The following ANK3 variants were observed in gnomAD, a reference collection of about 807,000 sequenced individuals.
ANK3 encodes ankyrin-3.
In ANK3, 57 loss-of-function variants were observed where a neutral mutation model predicts 370.9. That is an observed-to-expected ratio of 0.15 (90% CI 0.12 to 0.19). The LOEUF (loss-of-function observed/expected upper bound fraction) is 0.19. Among genes scored for constraint, ANK3 ranks in the 10% least tolerant of loss-of-function variants. The pLI, the probability that ANK3 is intolerant of heterozygous loss-of-function variation, is 1.00. For missense variants in ANK3, 4,439 were observed against 5,302.1 expected (o/e 0.84, Z 5.06); for synonymous variants, 1,929 against 1,946.3 (o/e 0.99, Z 0.23).
Position 60,076,032 on chromosome 10 carries a change from T to C in ANK3, c.4849A>G (p.Asn1617Asp). 1 of 1,614,206 alleles carries C rather than the reference T, an allele frequency of 6.2e-7. No individual in the cohort carries two copies. The highest frequency in any genetic ancestry group is 8.5e-7 in the Non-Finnish European group (1 of 1,180,008). The part of the protein sequence containing the change: ...EATPLKGLAS[N>D]STFSSRTSPV... ...GAGGTTCGAGAGGAAAACGTAGAAT[T>C]GGATGCCAGCCCTTTTAAGGGCGTA... is the stretch of plus-strand genomic sequence containing the variant. Residue 1617 changes from asparagine to aspartate, a missense_variant, in exon 37 of 44, where the codon AAT becomes GAT. Physicochemically the swap from Asn to Asp is conservative, Grantham distance 23 (BLOSUM62 1). Transcript: ENST00000280772.
chr10:60,475,160 C>A (rs2133089927), intron 2 of ANK3, among the ~76,000 whole-genome samples: 1 of 152,192 alleles, frequency 6.6e-6, no homozygotes, highest in East Asian at 1.9e-4. Flanking sequence ...ACACATATGC[C>A]ACTATATAGT....
chr10:60,636,329 G>A (rs2078554399), intron 1 of ANK3, among the ~76,000 whole-genome samples: 1 of 152,036 alleles, frequency 6.6e-6, no homozygotes, highest in Non-Finnish European at 1.5e-5. Flanking sequence ...TGGTTCAAAG[G>A]GGTTAGTGAC....
At chr10:60,345,789 G>T (rs1449762262) in intron 1 of ANK3, among the ~76,000 whole-genome samples, 2 of 152,074 alleles carry the variant, frequency 1.3e-5, no homozygotes. Context: ...CTTTAAAACT[G>T]CATCTCACTT....
chr10:60,451,170 G>C (rs991288644), intron 2 of ANK3, among the ~76,000 whole-genome samples: 3 of 152,200 alleles, frequency 2.0e-5, no homozygotes, highest in Admixed American at 6.5e-5. Flanking sequence ...CCGGAAGCTA[G>C]AGGAGAGGCA....
chr10:60,075,662 G>T lies in ANK3; in HGVS notation c.5219C>A (p.Thr1740Lys), dbSNP rs1049503720. The T allele has an allele frequency of 3.7e-6, 6 of 1,613,986 alleles. No homozygotes were observed. The highest frequency in any genetic ancestry group is 1.6e-4 in the Middle Eastern group (1 of 6,082). ...AGCAGAAGAAATTTTTTCCTGTAAC[G>T]TGGCAGTGGCTTTGCATCCATTAAT... ...TLINGCKATA[T>K]LQEKISSATN... Residue 1740 changes from threonine (T) to lysine (K), a missense_variant, in exon 37 of 44, where the codon ACG (threonine) becomes AAG (lysine). Physicochemically the swap from Thr to Lys is moderately conservative, Grantham distance 78. This residue lies in a region of ANK3 where 679 missense variants were observed against 791.0 expected (regional missense o/e 0.86). Coordinates refer to ENST00000280772, the MANE Select transcript of ANK3 (RefSeq NM_020987.5).
intron 2 of ANK3, among the ~76,000 whole-genome samples, chr10:60,441,606 G>A (rs1230399638): frequency 6.6e-6 from 1 of 152,032 alleles, no homozygotes; most frequent in Non-Finnish European, 1.5e-5. Flanking sequence ...AAACAACAAA[G>A]GTGTAGAAAA....
chr10:60,403,166 G>T (rs1035770227), intron 2 of ANK3, among the ~76,000 whole-genome samples: 3 of 152,092 alleles, frequency 2.0e-5, no homozygotes, highest in African/African-American at 7.2e-5. Context: ...AATCTAAGGA[G>T]CCTATGTAGA....
intron 23 of ANK3, chr10:60,139,526 TA>T (rs918077532): frequency 6.4e-4 from 98 of 152,442 alleles, no homozygotes; most frequent in Non-Finnish European, 8.5e-4. Flanking sequence ...AACAGACATT[TA>T]AAAAAAAAAC....
At chr10:60,405,844 G>T (rs963860155) in intron 2 of ANK3, among the ~76,000 whole-genome samples, 1 of 152,096 alleles carries the variant, frequency 6.6e-6, no homozygotes, top group African/African-American at 2.4e-5. Context: ...TCTAAGGGCA[G>T]GTATGTGGGC....
intron 1 of ANK3, among the ~76,000 whole-genome samples, chr10:60,678,287 C>A (rs900709948): frequency 6.6e-6 from 1 of 151,990 alleles, no homozygotes; most frequent in African/African-American, 2.4e-5. Flanking sequence ...AATAGGTTAT[C>A]GTATGCTGAC....
chr10:60,435,687 T>C (rs551761262), intron 2 of ANK3, among the ~76,000 whole-genome samples: 10 of 152,268 alleles, frequency 6.6e-5, no homozygotes, highest in African/African-American at 1.4e-4. Flanking sequence ...CTTTCAGTCC[T>C]GGTCAACCAC....
intron 2 of ANK3, among the ~76,000 whole-genome samples, chr10:60,506,650 C>T (rs10821778): frequency 0.21 from 31,976 of 151,854 alleles, 3,801 homozygotes; most frequent in East Asian, 0.47. Flanking sequence ...GTAAAATCCA[C>T]GATATTTGAA....
chr10:60,622,144 T>C (rs1295112698), intron 1 of ANK3, among the ~76,000 whole-genome samples: 1 of 152,192 alleles, frequency 6.6e-6, no homozygotes, highest in Non-Finnish European at 1.5e-5. Context: ...ATGTTATCAA[T>C]TTAGCTCTCC....
intron 9 of ANK3, among the ~76,000 whole-genome samples, chr10:60,213,087 G>A (rs73269473): frequency 0.023 from 3,483 of 152,132 alleles, 128 homozygotes; most frequent in African/African-American, 0.077. Flanking sequence ...GCACCCAAAC[G>A]TTAGAGAGTG....
intron 1 of ANK3, among the ~76,000 whole-genome samples, chr10:60,668,236 C>G (rs933956262): frequency 2.0e-5 from 3 of 151,452 alleles, no homozygotes; most frequent in Non-Finnish European, 4.4e-5. Context: ...ACTCATCAGA[C>G]GAAGGGCTAA....
chr10:60,601,039 G>T (rs890081152), intron 2 of ANK3, among the ~76,000 whole-genome samples: 3 of 152,110 alleles, frequency 2.0e-5, no homozygotes, highest in Non-Finnish European at 4.4e-5. Context: ...GGAGAGGTTA[G>T]ATTTTGGGAA....
chr10:60,499,169 C>T (rs2075733769), intron 2 of ANK3, among the ~76,000 whole-genome samples: 1 of 152,214 alleles, frequency 6.6e-6, no homozygotes, highest in Admixed American at 6.5e-5. Flanking sequence ...GTCCATAAAA[C>T]TTCATTAGAG....
chr10:60,072,804 C>T lies in ANK3; in HGVS notation c.8077G>A (p.Gly2693Arg), dbSNP rs149249186. The change falls in exon 37 of 44, where the codon GGA (glycine) becomes AGA (arginine). Residue 2693 changes from glycine (G) to arginine (R), a missense_variant. By Grantham distance (125) the Gly-to-Arg change is moderately radical. This residue lies in a region of ANK3 where 1,601 missense variants were observed against 1,731.7 expected (regional missense o/e 0.92). Transcript: ENST00000280772. ...EDSKSTVEAK[G>R]SISQSKAPDG... ...GGTGCTTTGCTCTGTGAAATACTTC[C>T]TTTGGCTTCCACTGTGGACTTGCTG... The T allele has an allele frequency of 5.0e-6, 8 of 1,613,978 alleles. No individual in the cohort carries two copies. In the African/African-American group the frequency reaches 9.3e-5, roughly 19 times the overall value.
intron 1 of ANK3, among the ~76,000 whole-genome samples, chr10:60,680,173 G>A (rs1564540596): frequency 6.7e-6 from 1 of 148,804 alleles, no homozygotes; most frequent in East Asian, 2.0e-4. Flanking sequence ...AGAATAAAAG[G>A]AAAAAAAAAT....
Sources: gnomAD v4.1 joint callset for allele counts (sites outside exome capture counted in the v4.1 genomes callset) on GRCh38, gnomAD v4.1.1 for gene constraint, gnomAD v4.1.1 regional missense constraint, MANE v1.5 for transcripts, NCBI Gene and HGNC (gene_info 2026-07-23, HGNC 2026-07-21) for gene names.